SAMMSON: variants seen among roughly 807,000 people sequenced by gnomAD.
SAMMSON encodes survival associated mitochondrial melanoma specific oncogenic non-coding RNA, also known as long intergenic non-protein coding RNA 1212.
chr3:70,134,381 A>G (rs936266558), intron 4 of SAMMSON, among the ~76,000 whole-genome samples: 4 of 151,892 alleles, frequency 2.6e-5, no homozygotes, highest in Admixed American at 2.0e-4. Context: ...TTTAATAAAA[A>G]GTACTCAGTC....
intron 4 of SAMMSON, among the ~76,000 whole-genome samples, chr3:70,145,526 A>G (rs576723089): frequency 9.8e-5 from 15 of 152,288 alleles, no homozygotes. Context: ...GTATAAAACC[A>G]GAAACCAATA....
At chr3:70,349,598 A>T (rs1307129405) in intron 7 of SAMMSON, among the ~76,000 whole-genome samples, 1 of 152,186 alleles carries the variant, frequency 6.6e-6, no homozygotes, top group Admixed American at 6.5e-5. Flanking sequence ...ATAACTTTCT[A>T]TGTGGTCATT....
At chr3:70,220,788 C>G (rs1701454769) in intron 4 of SAMMSON, among the ~76,000 whole-genome samples, 1 of 152,192 alleles carries the variant, frequency 6.6e-6, no homozygotes, top group Non-Finnish European at 1.5e-5. Flanking sequence ...TTCAGTCTCT[C>G]TGAAGCGTTC....
chr3:70,335,652 C>G (rs2106725035), intron 7 of SAMMSON, among the ~76,000 whole-genome samples: 1 of 152,010 alleles, frequency 6.6e-6, no homozygotes. Context: ...TGTGCCCACT[C>G]CTGTCTGGGT....
At chr3:70,302,960 C>T (rs1284500999) in intron 7 of SAMMSON, among the ~76,000 whole-genome samples, 1 of 151,986 alleles carries the variant, frequency 6.6e-6, no homozygotes, top group Non-Finnish European at 1.5e-5. Flanking sequence ...ATTTGTTGGC[C>T]TATGAGAACA....
At chr3:70,232,409 T>G (rs531189385) in intron 4 of SAMMSON, among the ~76,000 whole-genome samples, 2 of 151,916 alleles carry the variant, frequency 1.3e-5, no homozygotes, top group Non-Finnish European at 2.9e-5. Flanking sequence ...TTCCTATTTT[T>G]TTTTTTTTCT....
intron 4 of SAMMSON, among the ~76,000 whole-genome samples, chr3:70,202,407 A>C (rs1181534393): frequency 1.3e-5 from 2 of 152,262 alleles, no homozygotes; most frequent in Middle Eastern, 3.4e-3. Flanking sequence ...GGACAAAAGG[A>C]AGAGGTGGGA....
intron 7 of SAMMSON, among the ~76,000 whole-genome samples, chr3:70,301,503 G>T (rs1024361439): frequency 6.6e-6 from 1 of 152,022 alleles, no homozygotes; most frequent in Non-Finnish European, 1.5e-5. Flanking sequence ...GAATCTCTGT[G>T]TATTCCTTGT....
chr3:70,152,633 G>T (rs181058402), intron 4 of SAMMSON, among the ~76,000 whole-genome samples: 1 of 152,072 alleles, frequency 6.6e-6, no homozygotes, highest in Non-Finnish European at 1.5e-5. Flanking sequence ...TTGAGATATT[G>T]TCGGAATAGA....
At chr3:70,066,417 A>G (rs1344556184) in intron 3 of SAMMSON, among the ~76,000 whole-genome samples, 1 of 152,026 alleles carries the variant, frequency 6.6e-6, no homozygotes, top group Non-Finnish European at 1.5e-5. Flanking sequence ...CCTTTTTCTT[A>G]TAGGAAGAAT....
At chr3:70,383,341 T>TAAAAAAAA (rs1463605579) in intron 9 of SAMMSON, among the ~76,000 whole-genome samples, 1 of 99,526 alleles carries the variant, frequency 1.0e-5, no homozygotes, top group African/African-American at 3.8e-5. Flanking sequence ...TCCCTTAAAA[T>TAAAAAAAA]AAAAATAAAA....
At chr3:70,205,103 G>C (rs568413875) in intron 4 of SAMMSON, 1 of 152,188 alleles carries the variant, frequency 6.6e-6, no homozygotes, top group Non-Finnish European at 1.5e-5. Context: ...GTTGTTGGGA[G>C]TACCTTGAGC....
rs190544879 is a variant in SAMMSON at position 70,129,909 on chromosome 3, T to C, written n.507+58344T>C. Among the ~76,000 whole-genome samples the C allele has an allele frequency of 9.2e-5, 14 of 152,346 alleles. No individual in the cohort carries two copies. The East Asian group carries it at 2.7e-3, about 29-fold the overall frequency. On this transcript the variant is annotated intron_variant and non_coding_transcript_variant, in intron 4 of 9. Coordinates refer to ENST00000642114, the Ensembl canonical transcript of SAMMSON. ...TATATATTTAAGCTGTACAACATGA[T>C]GTTTTGATATACTTTATACATAGTG...
At chr3:70,119,822 A>T (rs563041070) in intron 4 of SAMMSON, among the ~76,000 whole-genome samples, 1 of 152,362 alleles carries the variant, frequency 6.6e-6, no homozygotes, top group Non-Finnish European at 1.5e-5. Flanking sequence ...ACATGAATAT[A>T]CAAATATGCA....
Position 70,290,015 on chromosome 3 carries a change from G to A in SAMMSON, n.675-1164G>A, listed in dbSNP as rs960065019. Reference sequence around the variant, plus strand: ...TTGCCTTTGGTTTGAATGTCCTCCCGTAGCTCAGAGTAATTTGATCGTCTG... The same window carrying A: ...TTGCCTTTGGTTTGAATGTCCTCCCATAGCTCAGAGTAATTTGATCGTCTG... On this transcript the variant is annotated intron_variant and non_coding_transcript_variant, in intron 6 of 9. Transcript: ENST00000642114. Among the ~76,000 whole-genome samples the A allele has an allele frequency of 7.1e-4, 108 of 151,988 alleles. 2 individuals are homozygous for A. Among genetic ancestry groups the A allele is most frequent in the Middle Eastern group, 3.4e-3 (1 of 294 alleles).
At chr3:70,015,553 T>C (rs969446867) in intron 3 of SAMMSON, among the ~76,000 whole-genome samples, 3 of 152,162 alleles carry the variant, frequency 2.0e-5, no homozygotes. Context: ...CAGGTCTTAC[T>C]TGAGGTGTCT....
intron 3 of SAMMSON, among the ~76,000 whole-genome samples, chr3:70,022,345 G>C (rs2067017180): frequency 6.9e-6 from 1 of 144,288 alleles, no homozygotes; most frequent in South Asian, 2.2e-4. Flanking sequence ...AATGGGTGCA[G>C]TACACCAACA....
At chr3:70,000,180 C>T (rs1388573015) in intron 1 of SAMMSON, among the ~76,000 whole-genome samples, 1 of 152,138 alleles carries the variant, frequency 6.6e-6, no homozygotes, top group Non-Finnish European at 1.5e-5. Context: ...GGAGCACACA[C>T]GTCCACTGGG....
intron 4 of SAMMSON, among the ~76,000 whole-genome samples, chr3:70,235,789 A>G (rs895652824): frequency 6.6e-6 from 1 of 152,204 alleles, no homozygotes; most frequent in Non-Finnish European, 1.5e-5. Context: ...ACTAAGCCTC[A>G]TTTCTTTATC....
Sources: allele counts gnomAD v4.1 joint callset (sites outside exome capture counted in the v4.1 genomes callset), GRCh38; gene constraint gnomAD v4.1.1; transcripts MANE v1.5; gene names NCBI Gene and HGNC (gene_info 2026-07-23, HGNC 2026-07-21).